The following WDR43 variants were observed in gnomAD, a reference collection of about 807,000 sequenced individuals.
WDR43 encodes the protein WD repeat-containing protein 43.
Under a neutral mutation model 91.4 loss-of-function variants are expected in WDR43, and 13 were observed. The ratio of observed to expected loss-of-function variants is 0.14; its 90% CI spans 0.09 to 0.23. The LOEUF (loss-of-function observed/expected upper bound fraction) is 0.23. Among genes scored for constraint, WDR43 ranks in the 10% least tolerant of loss-of-function variants. The pLI is 1.00. For synonymous variants in WDR43, 331 were observed against 287.9 expected, an observed-to-expected ratio of 1.15 and a Z score of -1.51; for missense variants, 780 against 809.4, an observed-to-expected ratio of 0.96 and a Z score of 0.44.
chr2:28,905,911 A>C (rs1464073645), intron 2 of WDR43, among the ~76,000 whole-genome samples: 1 of 152,092 alleles, frequency 6.6e-6, no homozygotes, highest in African/African-American at 2.4e-5. Context: ...CGCCTGCCTC[A>C]GCCTCCCAAA....
intron 13 of WDR43, among the ~76,000 whole-genome samples, chr2:28,937,677 A>AAGGTTTTGTT (rs1309377597): frequency 9.8e-5 from 15 of 152,296 alleles, no homozygotes; most frequent in African/African-American, 3.4e-4. Context: ...TTGCTCTTGA[A>AAGGTTTTGTT]CTGTTTTAGA....
Position 28,947,356 on chromosome 2 carries a change from T to C in WDR43, c.*577T>C, listed in dbSNP as rs2148203515. ...CTGTGATAATCTGACTTGAGTCAGA[T>C]TGAATATTTGGAGTGCTTCCCCAGA... On this transcript the variant is annotated 3_prime_UTR_variant, in exon 18 of 18. Coordinates refer to ENST00000407426, the MANE Select transcript of WDR43 (RefSeq NM_015131.3). 1 of 152,314 alleles carries C rather than the reference T, an allele frequency of 6.6e-6. No homozygotes were observed. Among genetic ancestry groups the C allele is most frequent in the South Asian group, 2.1e-4 (1 of 4,830 alleles). The allele number at this position is 152,314 out of a possible 1,614,324, so 9.4% of individuals were successfully genotyped here. A position where few individuals can be genotyped will look rare whatever the true frequency, so the allele number is the denominator to read the frequency against.
Position 28,894,909 on chromosome 2 carries a change from C to A in WDR43, c.211C>A (p.Arg71=). 6.3e-7 allele frequency: 1 copy of A among 1,592,734 alleles called. No homozygotes were observed. Among genetic ancestry groups the A allele is most frequent in the Non-Finnish European group, 8.5e-7 (1 of 1,170,344 alleles). ...CACCTGTCTGGCCTGGGCGCCAGCGCGGCTGCAGGCCAAGGTAAAGCGAGC... is the reference window on the plus strand; with the variant it reads ...CACCTGTCTGGCCTGGGCGCCAGCGAGGCTGCAGGCCAAGGTAAAGCGAGC... ...TCTCLAWAPA[R]LQAKESPQRK... The change falls in exon 1 of 18, where the codon CGG becomes AGG. Residue 71 remains arginine (R), a synonymous_variant. Transcript: ENST00000407426.
At chr2:28,924,096 G>C (rs1038178730) in intron 7 of WDR43, among the ~76,000 whole-genome samples, 1 of 152,188 alleles carries the variant, frequency 6.6e-6, no homozygotes, top group South Asian at 2.1e-4. Context: ...CACTTGTGGA[G>C]AATAAGTGGT....
At chr2:28,905,092 G>T (rs903502062) in intron 2 of WDR43, 5 of 152,218 alleles carry the variant, frequency 3.3e-5, no homozygotes, top group African/African-American at 1.2e-4. Flanking sequence ...CCTTTCAAGG[G>T]TGGGGAGAGG....
chr2:28,927,645 C>G lies in WDR43; in HGVS notation c.1250C>G (p.Pro417Arg), dbSNP rs776898017. 1.9e-6 allele frequency: 3 copies of G among 1,613,752 alleles called. No homozygotes were observed. In the Admixed American group the frequency reaches 5.0e-5, roughly 27 times the overall value. The change falls in exon 10 of 18, where the codon CCC (proline) becomes CGC (arginine). Residue 417 changes from proline to arginine, a missense_variant. Pro to Arg is a moderately radical substitution (Grantham distance 103). Around this residue, in one of 4 missense-constraint regions of WDR43, gnomAD observed 426 missense variants for 467.8 expected, o/e 0.91. Coordinates refer to ENST00000407426, the MANE Select transcript of WDR43 (RefSeq NM_015131.3). ...GIPGHHAAIKPAPPQTEQVES... is the reference protein window; with the variant it reads ...GIPGHHAAIKRAPPQTEQVES... ...CCTGGTCATCATGCAGCTATCAAGC[C>G]CGCTCCTCCACAAACCGAGCAAGTA...
chr2:28,937,864 T>C (rs1671363008), intron 13 of WDR43, 67 bp from the exon 14 acceptor site: 1 of 1,514,098 alleles, frequency 6.6e-7, no homozygotes, highest in Non-Finnish European at 9.1e-7. Context: ...GTCTGGGTTT[T>C]CTAACAGCTC....
chr2:28,928,226 A>G lies in WDR43; in HGVS notation c.1305+526A>G, dbSNP rs1328440956. ...TTCCATTCACATTCTTCCCTCTTAC[A>G]TAAGGAATCTGGAATTTTAACTGTT... is the stretch of plus-strand genomic sequence containing the variant. On this transcript the variant is annotated intron_variant, in intron 10 of 17. Coordinates refer to ENST00000407426, the MANE Select transcript of WDR43 (RefSeq NM_015131.3). Among the ~76,000 whole-genome samples the G allele has an allele frequency of 2.6e-5, 4 of 152,176 alleles. 1 individual carries two copies. The highest frequency in any genetic ancestry group is 2.9e-5 in the Non-Finnish European group (2 of 68,050).
At chr2:28,905,823 C>A (rs926294226) in intron 2 of WDR43, among the ~76,000 whole-genome samples, 1 of 152,078 alleles carries the variant, frequency 6.6e-6, no homozygotes, top group Admixed American at 6.5e-5. Flanking sequence ...TGCTACCACA[C>A]CCGGCTAATT....
rs186763149 is a variant in WDR43, at chr2:28,945,995, C to T, written c.1805-455C>T. Among the ~76,000 whole-genome samples the T allele has an allele frequency of 1.4e-4, 21 of 152,158 alleles. No homozygotes were observed. In the South Asian group the frequency reaches 3.5e-3, roughly 26 times the overall value. ...AAGGGTTTGGCTAGTTGGTTTGGAC[C>T]GGTGAGATCTTGAAGGAATAATATA... is the stretch of plus-strand genomic sequence containing the variant. On this transcript the variant is annotated intron_variant, in intron 16 of 17. Coordinates refer to ENST00000407426, the MANE Select transcript of WDR43 (RefSeq NM_015131.3).
At position 28,914,222 on chromosome 2, in the gene WDR43, T is replaced by G; in HGVS notation, c.746+14T>G. The G allele has an allele frequency of 6.2e-7, 1 of 1,604,442 alleles. No individual in the cohort carries two copies. The highest frequency in any genetic ancestry group is 1.1e-5 in the South Asian group (1 of 88,962). On this transcript the variant is annotated intron_variant, in intron 5 of 17. Coordinates refer to ENST00000407426, the MANE Select transcript of WDR43 (RefSeq NM_015131.3). Reference sequence around the variant, plus strand: ...ACTTAATGTCTGGTATGTAGTTCTTTTGGATTTGGGAGGTAGCATTGAAAG... The same window carrying G: ...ACTTAATGTCTGGTATGTAGTTCTTGTGGATTTGGGAGGTAGCATTGAAAG...
intron 2 of WDR43, among the ~76,000 whole-genome samples, chr2:28,902,978 A>C (rs1300362343): frequency 6.6e-5 from 10 of 152,224 alleles, no homozygotes; most frequent in Admixed American, 2.0e-4. Flanking sequence ...TTGTAACTAC[A>C]TAAAGTTGAA....
intron 11 of WDR43, among the ~76,000 whole-genome samples, 166 bp from the exon 12 acceptor site, chr2:28,935,355 T>C (rs1453539439): frequency 2.0e-5 from 3 of 152,176 alleles, no homozygotes; most frequent in African/African-American, 7.2e-5. Flanking sequence ...TAATATAACA[T>C]ACTCCATTCA....
intron 5 of WDR43, among the ~76,000 whole-genome samples, chr2:28,915,725 C>T (rs530035747): frequency 3.3e-5 from 5 of 152,302 alleles, no homozygotes; most frequent in South Asian, 4.1e-4. Context: ...GTGGATATAA[C>T]ATTCGAAGGC....
Position 28,947,209 on chromosome 2 carries a change from T to A in WDR43, c.*430T>A, listed in dbSNP as rs12465260. On this transcript the variant is annotated 3_prime_UTR_variant, in exon 18 of 18. Transcript: ENST00000407426. The stretch of plus-strand genomic sequence containing the variant: ...AGATGCAAAGCAGCACTAGTGAAAA[T>A]TTTTTTAATTTAGTACATTTAATTT... 1.3e-5 allele frequency: 2 copies of A among 152,470 alleles called. No homozygotes were observed. The highest frequency in any genetic ancestry group is 2.4e-5 in the African/African-American group (1 of 41,442). 9.4% of individuals were successfully genotyped at this position (152,470 alleles called of 1,614,324 possible).
chr2:28,897,907 G>C (rs1670511575), intron 1 of WDR43, among the ~76,000 whole-genome samples: 1 of 152,186 alleles, frequency 6.6e-6, no homozygotes, highest in Non-Finnish European at 1.5e-5. Flanking sequence ...TTGGAGCCTG[G>C]GGGAAGAGGA....
chr2:28,898,928 C>G (rs1670530980), intron 1 of WDR43, among the ~76,000 whole-genome samples: 1 of 152,196 alleles, frequency 6.6e-6, no homozygotes, highest in Non-Finnish European at 1.5e-5. Flanking sequence ...TGTACAACTC[C>G]TTGCTTTTAT....
At chr2:28,926,684 T>G in intron 9 of WDR43, 130 bp downstream of exon 9, 1 of 834,234 alleles carries the variant, frequency 1.2e-6, no homozygotes. Flanking sequence ...TCTTATAAAT[T>G]TTGTGGGATT....
intron 6 of WDR43, among the ~76,000 whole-genome samples, chr2:28,919,664 AAAC>A (rs1387777517): frequency 5.9e-5 from 9 of 152,048 alleles, no homozygotes; most frequent in Non-Finnish European, 8.8e-5. Context: ...TCAAAAAAAA[AAAC>A]AAACTAGTAG....
Sources: allele counts gnomAD v4.1 joint callset (sites outside exome capture counted in the v4.1 genomes callset), GRCh38; gene constraint gnomAD v4.1.1; regional missense constraint gnomAD v4.1.1; transcripts MANE v1.5; gene names NCBI Gene and HGNC (gene_info 2026-07-23, HGNC 2026-07-21).